Variants in WWOX observed in about 807,000 individuals in gnomAD.
WWOX encodes the protein WW domain containing oxidoreductase, also known as WW domain-containing oxidoreductase.
In WWOX, 69 loss-of-function variants were observed where a neutral mutation model predicts 46.2. That is an observed-to-expected ratio of 1.49 (90% CI 1.23 to 1.82). The LOEUF is 1.82. Among genes scored for constraint, WWOX ranks in the 40% most tolerant of loss-of-function variants. The pLI, the probability that WWOX is intolerant of heterozygous loss-of-function variation, is 0.00. For missense variants in WWOX, 919 were observed against 542.6 expected (o/e 1.69, Z -6.89); for synonymous variants, 359 against 202.6 (o/e 1.77, Z -6.56).
intron 8 of WWOX, among the ~76,000 whole-genome samples, chr16:78,545,837 C>A (rs189223219): frequency 6.6e-6 from 1 of 152,172 alleles, no homozygotes; most frequent in Non-Finnish European, 1.5e-5. Flanking sequence ...ACGTGGCCTT[C>A]CGTCTGTTTC....
intron 8 of WWOX, among the ~76,000 whole-genome samples, chr16:78,555,410 A>G (rs893073473): frequency 1.3e-5 from 2 of 152,282 alleles, no homozygotes; most frequent in East Asian, 1.9e-4. Flanking sequence ...TATAGCATAC[A>G]GAGCTGCAGC....
intron 8 of WWOX, among the ~76,000 whole-genome samples, chr16:78,477,660 T>C (rs145264900): frequency 6.6e-6 from 1 of 152,330 alleles, no homozygotes; most frequent in African/African-American, 2.4e-5. Flanking sequence ...ATCATATATA[T>C]AAATCATATT....
intron 4 of WWOX, among the ~76,000 whole-genome samples, chr16:78,134,999 G>GCA (rs1371568299): frequency 6.6e-6 from 1 of 152,198 alleles, no homozygotes; most frequent in Non-Finnish European, 1.5e-5. Flanking sequence ...CAGAAGCAAT[G>GCA]CACAGATAGA....
At chr16:78,212,162 G>A (rs1275379658) in intron 5 of WWOX, among the ~76,000 whole-genome samples, 1 of 152,208 alleles carries the variant, frequency 6.6e-6, no homozygotes, top group African/African-American at 2.4e-5. Flanking sequence ...CTCAGCTGTA[G>A]AGCTGCTGGG....
intron 8 of WWOX, among the ~76,000 whole-genome samples, chr16:78,916,895 A>T (rs1456726381): frequency 3.3e-5 from 5 of 152,188 alleles, no homozygotes; most frequent in African/African-American, 1.2e-4. Context: ...TAACTGAAAG[A>T]TATAGGTGTG....
intron 5 of WWOX, among the ~76,000 whole-genome samples, chr16:78,211,259 G>A (rs573173517): frequency 6.6e-6 from 1 of 152,272 alleles, no homozygotes; most frequent in African/African-American, 2.4e-5. Flanking sequence ...TAGAACCGCT[G>A]GAGACTTCTT....
intron 5 of WWOX, among the ~76,000 whole-genome samples, chr16:78,371,298 CA>C (rs1382773131): frequency 6.6e-6 from 1 of 152,062 alleles, no homozygotes; most frequent in Non-Finnish European, 1.5e-5. Flanking sequence ...AGATGAAAAC[CA>C]TTTATTTTCA....
chr16:79,119,322 T>G (rs2049580862), intron 8 of WWOX, among the ~76,000 whole-genome samples: 1 of 152,112 alleles, frequency 6.6e-6, no homozygotes, highest in Admixed American at 6.5e-5. Context: ...TAACCCAGCA[T>G]TTTGGATTGG....
chr16:79,097,464 C>T (rs1488868566), intron 8 of WWOX, among the ~76,000 whole-genome samples: 1 of 151,798 alleles, frequency 6.6e-6, no homozygotes, highest in Admixed American at 6.6e-5. Context: ...AATAGTCACA[C>T]ATTACAAAAG....
intron 8 of WWOX, chr16:79,205,178 C>T (rs528716890): frequency 1.3e-5 from 2 of 152,388 alleles, no homozygotes; most frequent in South Asian, 4.1e-4. Flanking sequence ...GCATGCGTTT[C>T]TCTCAAGGTG....
At chr16:78,558,964 T>C (rs995890693) in intron 8 of WWOX, among the ~76,000 whole-genome samples, 2 of 152,230 alleles carry the variant, frequency 1.3e-5, no homozygotes, top group Admixed American at 6.5e-5. Context: ...CTCTGCTGGC[T>C]ATTCCAGGCT....
chr16:78,857,115 T>A (rs141744085), intron 8 of WWOX, among the ~76,000 whole-genome samples: 7 of 152,370 alleles, frequency 4.6e-5, no homozygotes, highest in Non-Finnish European at 8.8e-5. Context: ...AATGTCATTA[T>A]GCAGTGTGTG....
intron 6 of WWOX, among the ~76,000 whole-genome samples, chr16:78,421,550 C>T (rs1439609936): frequency 1.3e-5 from 2 of 152,170 alleles, no homozygotes; most frequent in Non-Finnish European, 2.9e-5. Flanking sequence ...TCACAGATCC[C>T]TACCATTCAA....
At chr16:78,586,957 T>G (rs145873249) in intron 8 of WWOX, among the ~76,000 whole-genome samples, 418 of 152,238 alleles carry the variant, frequency 2.7e-3, no homozygotes, top group Non-Finnish European at 2.1e-3. Context: ...ATGCCAAGAT[T>G]CTATAGCATC....
intron 8 of WWOX, among the ~76,000 whole-genome samples, chr16:79,032,122 G>A (rs894152155): frequency 1.4e-5 from 2 of 143,850 alleles, no homozygotes; most frequent in Non-Finnish European, 3.0e-5. Flanking sequence ...ATAAATATGT[G>A]TATATATATA....
chr16:78,802,935 AAAAAAAAC>A (rs2050931055), intron 8 of WWOX, among the ~76,000 whole-genome samples: 1 of 100,418 alleles, frequency 1.0e-5, no homozygotes, highest in African/African-American at 4.4e-5. Flanking sequence ...AAAAAAAAAA[AAAAAAAAC>A]AACAAACAGA....
At chr16:78,533,501 G>A (rs1418380195) in intron 8 of WWOX, among the ~76,000 whole-genome samples, 2 of 152,058 alleles carry the variant, frequency 1.3e-5, no homozygotes, top group Admixed American at 6.5e-5. Context: ...GTCCTGGGCC[G>A]CATGTGGCCC....
At chr16:78,347,847 T>G (rs1471588390) in intron 5 of WWOX, among the ~76,000 whole-genome samples, 1 of 121,932 alleles carries the variant, frequency 8.2e-6, no homozygotes, top group East Asian at 1.9e-4. Flanking sequence ...GGAATTCATT[T>G]TCCACTTTCC....
intron 8 of WWOX, among the ~76,000 whole-genome samples, chr16:79,124,193 G>A (rs1310093107): frequency 2.0e-5 from 3 of 152,122 alleles, no homozygotes; most frequent in Non-Finnish European, 4.4e-5. Context: ...CGTTGCTATA[G>A]ATACCAAACT....
Sources: gnomAD v4.1 joint callset for allele counts (sites outside exome capture counted in the v4.1 genomes callset) on GRCh38, gnomAD v4.1.1 for gene constraint, MANE v1.5 for transcripts, NCBI Gene and HGNC (gene_info 2026-07-23, HGNC 2026-07-21) for gene names.